SLC39A11: variants seen among roughly 807,000 people sequenced by gnomAD.
SLC39A11 encodes solute carrier family 39 member 11.
Under a neutral mutation model 36.1 loss-of-function variants are expected in SLC39A11, and 33 were observed. The ratio of observed to expected loss-of-function variants is 0.91; its 90% CI spans 0.69 to 1.22. The LOEUF (loss-of-function observed/expected upper bound fraction) is 1.22. Among genes scored for constraint, SLC39A11 ranks in the 50% most tolerant of loss-of-function variants. The probability of loss-of-function intolerance (pLI) is 0.00; values close to 1 mark genes in which losing one functional copy is unlikely to be tolerated. For missense variants in SLC39A11, 432 were observed against 430.3 expected, an observed-to-expected ratio of 1.00 and a Z score of -0.03; for synonymous variants, 166 against 170.3, an observed-to-expected ratio of 0.97 and a Z score of 0.20.
At chr17:72,648,402 C>G (rs1030836962) in intron 9 of SLC39A11, among the ~76,000 whole-genome samples, 1 of 151,888 alleles carries the variant, frequency 6.6e-6, no homozygotes, top group South Asian at 2.1e-4. Context: ...AACCCTTACT[C>G]CCACCTTCTG....
intron 5 of SLC39A11, among the ~76,000 whole-genome samples, chr17:72,903,732 C>T (rs547040715): frequency 1.3e-5 from 2 of 152,266 alleles, no homozygotes; most frequent in South Asian, 2.1e-4. Flanking sequence ...TCAAAGTAAT[C>T]GGGCTTGATT....
At chr17:72,784,811 T>C (rs968947419) in intron 6 of SLC39A11, among the ~76,000 whole-genome samples, 5 of 151,912 alleles carry the variant, frequency 3.3e-5, no homozygotes, top group Non-Finnish European at 5.9e-5. Context: ...CCATGCTTCC[T>C]GTAAAGCCTG....
chr17:73,009,337 A>T (rs2090382510), intron 4 of SLC39A11, among the ~76,000 whole-genome samples: 2 of 139,824 alleles, frequency 1.4e-5, no homozygotes, highest in Non-Finnish European at 3.1e-5. Context: ...CCTGGGGGAC[A>T]GAGCGAGACT....
At chr17:72,878,601 A>T (rs990936071) in intron 5 of SLC39A11, among the ~76,000 whole-genome samples, 1 of 152,200 alleles carries the variant, frequency 6.6e-6, no homozygotes, top group Non-Finnish European at 1.5e-5. Flanking sequence ...CACTTAAAAC[A>T]TCAACATCCC....
At chr17:72,886,605 T>C (rs558693286) in intron 5 of SLC39A11, among the ~76,000 whole-genome samples, 1 of 152,232 alleles carries the variant, frequency 6.6e-6, no homozygotes, top group Non-Finnish European at 1.5e-5. Context: ...TCCCAGAATC[T>C]CTTCTCCACA....
At chr17:72,750,161 A>AATT (rs1458909924) in intron 6 of SLC39A11, among the ~76,000 whole-genome samples, 1 of 152,088 alleles carries the variant, frequency 6.6e-6, no homozygotes, top group African/African-American at 2.4e-5. Flanking sequence ...TCACCCTGGG[A>AATT]ATTATCCCAC....
chr17:72,780,787 A>G (rs567380458), intron 6 of SLC39A11, among the ~76,000 whole-genome samples: 2 of 152,260 alleles, frequency 1.3e-5, no homozygotes, highest in South Asian at 4.1e-4. Flanking sequence ...CAGGAGTTTG[A>G]GACCAGCCTG....
At chr17:72,956,540 C>A (rs2086256939) in intron 4 of SLC39A11, among the ~76,000 whole-genome samples, 1 of 152,202 alleles carries the variant, frequency 6.6e-6, no homozygotes, top group African/African-American at 2.4e-5. Flanking sequence ...TTCCTTAAAA[C>A]AGTAACAGAA....
intron 4 of SLC39A11, among the ~76,000 whole-genome samples, chr17:72,954,098 GT>G (rs2086074549): frequency 6.6e-6 from 1 of 152,158 alleles, no homozygotes; most frequent in South Asian, 2.1e-4. Context: ...CCAGGCTGGA[GT>G]GCAGTGGTGT....
intron 6 of SLC39A11, among the ~76,000 whole-genome samples, chr17:72,809,416 G>A (rs1463970407): frequency 3.3e-5 from 5 of 152,064 alleles, no homozygotes; most frequent in South Asian, 4.2e-4. Flanking sequence ...TCCTGTTTGC[G>A]ATCCCATCTC....
chr17:73,071,923 C>T (rs914002843), intron 3 of SLC39A11, among the ~76,000 whole-genome samples: 2 of 152,128 alleles, frequency 1.3e-5, no homozygotes, highest in East Asian at 1.9e-4. Flanking sequence ...CCCTGGCACT[C>T]GGCACAGTGA....
chr17:73,031,172 T>G (rs554068609), intron 4 of SLC39A11, among the ~76,000 whole-genome samples: 2 of 152,056 alleles, frequency 1.3e-5, no homozygotes, highest in Non-Finnish European at 2.9e-5. Flanking sequence ...AAAGGCCTAA[T>G]GCTACAGATT....
intron 6 of SLC39A11, among the ~76,000 whole-genome samples, chr17:72,769,909 T>C (rs1286648207): frequency 6.6e-6 from 1 of 152,216 alleles, no homozygotes; most frequent in African/African-American, 2.4e-5. Flanking sequence ...GTATCTCACC[T>C]ATCTGTGACC....
At chr17:72,908,235 A>C (rs897128305) in intron 5 of SLC39A11, among the ~76,000 whole-genome samples, 14 of 152,344 alleles carry the variant, frequency 9.2e-5, no homozygotes, top group Middle Eastern at 3.4e-3. Flanking sequence ...AGCCAGCCTA[A>C]TAAATCCACA....
At chr17:72,802,841 T>C (rs2077136344) in intron 6 of SLC39A11, among the ~76,000 whole-genome samples, 1 of 152,128 alleles carries the variant, frequency 6.6e-6, no homozygotes, top group Non-Finnish European at 1.5e-5. Context: ...GCTGGTTTTA[T>C]TTCCAGAGCC....
intron 6 of SLC39A11, among the ~76,000 whole-genome samples, chr17:72,743,917 T>A (rs896040548): frequency 3.9e-5 from 6 of 152,148 alleles, no homozygotes; most frequent in Admixed American, 2.6e-4. Flanking sequence ...GGTTAGTAAG[T>A]CCGACTGAAC....
At chr17:72,733,918 C>T (rs1047195189) in intron 7 of SLC39A11, among the ~76,000 whole-genome samples, 4 of 152,134 alleles carry the variant, frequency 2.6e-5, no homozygotes, top group African/African-American at 9.7e-5. Context: ...GGTTCGAAAG[C>T]CCCAGCATTA....
At position 72,875,346 on chromosome 17, in the gene SLC39A11, T is replaced by G. The variant is rs533025428; in HGVS notation, c.431-25542A>C. ...GAGCATTTTTCATGTCCCCAAGAAC[T>G]GCCAATGGAGAAAGATGAAGCTTTC... On this transcript the variant is annotated intron_variant, in intron 5 of 9. Coordinates refer to ENST00000255559, the MANE Select transcript of SLC39A11 (RefSeq NM_139177.4). Among the ~76,000 whole-genome samples, 14 of 152,330 alleles carry G rather than the reference T, an allele frequency of 9.2e-5. No homozygotes were observed. The East Asian group carries it at 2.7e-3, about 29-fold the overall frequency.
At chr17:72,939,857 G>A (rs1235809170) in intron 5 of SLC39A11, among the ~76,000 whole-genome samples, 1 of 152,138 alleles carries the variant, frequency 6.6e-6, no homozygotes, top group African/African-American at 2.4e-5. Context: ...AGGGACCAGA[G>A]TGTTTCAGAT....
Sources: gnomAD v4.1 joint callset for allele counts (sites outside exome capture counted in the v4.1 genomes callset) on GRCh38, gnomAD v4.1.1 for gene constraint, MANE v1.5 for transcripts, NCBI Gene and HGNC (gene_info 2026-07-23, HGNC 2026-07-21) for gene names.